Variants in RASGRF2 observed in about 807,000 individuals in gnomAD.
The protein encoded by RASGRF2 is ras-specific guanine nucleotide-releasing factor 2.
A neutral mutation model predicts 151.0 loss-of-function variants in RASGRF2; 76 were observed. That is an observed-to-expected ratio of 0.50 (90% CI 0.42 to 0.61). The LOEUF (loss-of-function observed/expected upper bound fraction) is 0.61, where lower values mean the gene tolerates loss of function less well. Among genes scored for constraint, RASGRF2 ranks in the 20% least tolerant of loss-of-function variants. The probability of loss-of-function intolerance (pLI) is 0.00; values close to 1 mark genes in which losing one functional copy is unlikely to be tolerated. For missense variants in RASGRF2, 1,148 were observed against 1,564.6 expected (o/e 0.73, Z 4.49); for synonymous variants, 504 against 566.5 (o/e 0.89, Z 1.57).
chr5:81,092,436 A>G (rs543464919), intron 9 of RASGRF2, among the ~76,000 whole-genome samples: 1 of 152,202 alleles, frequency 6.6e-6, no homozygotes, highest in East Asian at 1.9e-4. Flanking sequence ...ATTCTATATA[A>G]TTATGCAATA....
At chr5:81,143,202 G>C (rs1022506673) in intron 17 of RASGRF2, among the ~76,000 whole-genome samples, 1 of 151,958 alleles carries the variant, frequency 6.6e-6, no homozygotes, top group Non-Finnish European at 1.5e-5. Flanking sequence ...AGGCTAGAGT[G>C]CAGTGGCGCA....
chr5:81,211,538 GAACAGCA>G (rs1383525337), intron 22 of RASGRF2, among the ~76,000 whole-genome samples: 1 of 152,248 alleles, frequency 6.6e-6, no homozygotes, highest in Admixed American at 6.5e-5. Flanking sequence ...GGCACTCAGT[GAACAGCA>G]CTGCAGTAGG....
intron 18 of RASGRF2, among the ~76,000 whole-genome samples, chr5:81,184,676 T>A (rs1349198853): frequency 6.6e-6 from 1 of 152,208 alleles, no homozygotes; most frequent in African/African-American, 2.4e-5. Flanking sequence ...GGCATGTTTT[T>A]AAAACATGAG....
intron 22 of RASGRF2, among the ~76,000 whole-genome samples, chr5:81,211,888 C>A (rs968513506): frequency 7.2e-5 from 11 of 152,122 alleles, no homozygotes; most frequent in Non-Finnish European, 1.5e-5. Context: ...TTAATCAGCT[C>A]AGAATTTGAT....
chr5:81,031,279 T>C (rs1162098929), intron 1 of RASGRF2, among the ~76,000 whole-genome samples: 1 of 152,134 alleles, frequency 6.6e-6, no homozygotes, highest in Non-Finnish European at 1.5e-5. Flanking sequence ...GGAATTGAAC[T>C]CAGCTCTGCA....
At position 81,052,154 on chromosome 5, in the gene RASGRF2, G is replaced by T. The variant is rs73127152; in HGVS notation, c.395+9171G>T. On this transcript the variant is annotated intron_variant, in intron 2 of 26. Transcript: ENST00000265080. ...TTGTGCACATGGAACAGAAATGAAA[G>T]TCTCAGTGTTAGGAAAGAATCATTA... Among the ~76,000 whole-genome samples, 891 of 152,232 alleles carry T rather than the reference G, an allele frequency of 5.9e-3. 11 individuals are homozygous for T. Among genetic ancestry groups the T allele is most frequent in the African/African-American group, 0.02 (842 of 41,526 alleles).
Position 81,042,945 on chromosome 5 carries a change from G to C in RASGRF2, c.357G>C (p.Gln119His). ...KPLELRCEEE[Q>H]DGKEWMEAIH... The stretch of plus-strand genomic sequence containing the variant: ...TGGAGCTGCGCTGTGAGGAGGAGCA[G>C]GATGGTAAAGAGTGGATGGAGGCCA... Residue 119 changes from glutamine to histidine, a missense_variant, in exon 2 of 27, where the codon CAG becomes CAC. Around this residue, in one of 5 missense-constraint regions of RASGRF2, gnomAD observed 221 missense variants for 271.3 expected, o/e 0.81. Transcript: ENST00000265080. 2 of 1,612,882 alleles carry C rather than the reference G, an allele frequency of 1.2e-6. No homozygotes were observed.
Position 81,215,901 on chromosome 5 carries a change from A to T in RASGRF2, c.3380A>T (p.Gln1127Leu). 1.3e-6 allele frequency: 2 copies of T among 1,553,512 alleles called. No individual in the cohort carries two copies. The highest frequency in any genetic ancestry group is 1.7e-4 in the Middle Eastern group (1 of 5,814). The change falls in exon 24 of 27, where the codon CAA (glutamine) becomes CTA (leucine). Residue 1127 changes from glutamine to leucine, a missense_variant. By Grantham distance (113) the Gln-to-Leu change is moderately radical. Around this residue, in one of 5 missense-constraint regions of RASGRF2, gnomAD observed 100 missense variants for 148.2 expected, o/e 0.67. Transcript: ENST00000265080. ...KQTKALMDKL[Q>L]KTVSSEGRFK... ...ACAAAAGCTCTAATGGACAAACTTC[A>T]AAAGACTGTTTCCTCTGAAGGAAGA...
chr5:81,115,654 A>G (rs1214462827), intron 15 of RASGRF2, among the ~76,000 whole-genome samples: 1 of 152,146 alleles, frequency 6.6e-6, no homozygotes, highest in East Asian at 1.9e-4. Flanking sequence ...TTAGGAACAA[A>G]CATTTCAGTG....
chr5:81,020,140 A>G (rs909344921), intron 1 of RASGRF2, among the ~76,000 whole-genome samples: 2 of 152,176 alleles, frequency 1.3e-5, no homozygotes, highest in African/African-American at 2.4e-5. Flanking sequence ...TGCATTTCCT[A>G]GAGGTATTGA....
In RASGRF2 at chr5:81,212,347, G is replaced by A. The variant is rs1270540699; in HGVS notation, c.3157-19G>A. 1 of 1,571,040 alleles carries A rather than the reference G, an allele frequency of 6.4e-7. No homozygotes were observed. The highest frequency in any genetic ancestry group is 8.7e-7 in the Non-Finnish European group (1 of 1,153,278). On this transcript the variant is annotated intron_variant, in intron 22 of 26. Coordinates refer to ENST00000265080, the MANE Select transcript of RASGRF2 (RefSeq NM_006909.3). ...TTGGGGCTCTTAGACTGCCTTTCGG[G>A]GCTTTTTGATTGTCTCAGATGAGTA... is the stretch of plus-strand genomic sequence containing the variant.
At chr5:81,075,112 T>A (rs1372917749) in intron 5 of RASGRF2, among the ~76,000 whole-genome samples, 1 of 152,168 alleles carries the variant, frequency 6.6e-6, no homozygotes, top group Non-Finnish European at 1.5e-5. Context: ...GAGTGAGAGA[T>A]GAGACACCTG....
At chr5:80,969,967 C>T (rs1325380700) in intron 1 of RASGRF2, among the ~76,000 whole-genome samples, 1 of 151,838 alleles carries the variant, frequency 6.6e-6, no homozygotes, top group Middle Eastern at 3.2e-3. Flanking sequence ...GCTGGGATTA[C>T]AGGCATGCAC....
intron 1 of RASGRF2, among the ~76,000 whole-genome samples, chr5:80,971,789 C>T (rs988049738): frequency 1.3e-5 from 2 of 152,002 alleles, no homozygotes; most frequent in African/African-American, 4.8e-5. Flanking sequence ...AGGCTGGTCT[C>T]AACCGCCTGG....
chr5:81,208,911 C>T (rs1755571983), intron 22 of RASGRF2, among the ~76,000 whole-genome samples: 1 of 152,120 alleles, frequency 6.6e-6, no homozygotes, highest in South Asian at 2.1e-4. Flanking sequence ...TCTCTAAGAG[C>T]TCACAGTAAT....
Position 81,070,488 on chromosome 5 carries a change from C to A in RASGRF2, c.544-4C>A. The A allele has an allele frequency of 6.3e-7, 1 of 1,591,566 alleles. No individual in the cohort carries two copies. Among genetic ancestry groups the A allele is most frequent in the South Asian group, 1.1e-5 (1 of 90,538 alleles). The stretch of plus-strand genomic sequence containing the variant: ...TCATGAAATGGACCAACTTTGTGTT[C>A]CAGATTATTGCTCTTAATAAAACCA... On this transcript the variant is annotated splice_polypyrimidine_tract_variant and splice_region_variant and intron_variant, in intron 3 of 26. Coordinates refer to ENST00000265080, the MANE Select transcript of RASGRF2 (RefSeq NM_006909.3).
At chr5:81,156,458 A>G (rs1033767469) in intron 17 of RASGRF2, among the ~76,000 whole-genome samples, 1 of 152,240 alleles carries the variant, frequency 6.6e-6, no homozygotes, top group Non-Finnish European at 1.5e-5. Context: ...TCAATAAAAT[A>G]TTAGCAAACC....
Position 80,960,984 on chromosome 5 carries a change from C to A in RASGRF2, c.246C>A (p.Ala82=), listed in dbSNP as rs761146888. The A allele has an allele frequency of 1.4e-5, 22 of 1,545,792 alleles. 1 individual carries two copies. The South Asian group carries it at 2.6e-4, about 18-fold the overall frequency. Residue 82 remains alanine (A), a synonymous_variant, in exon 1 of 27, where the codon GCC becomes GCA. Transcript: ENST00000265080. This position sits in a 1 kb window ranked among gnomAD's most constrained non-coding sequence, Gnocchi z 5.5. ...SCERTPAPPR[A]GAGQGGVRDA... is the part of the protein sequence containing the mutation. ...AACGAACGCCCGCGCCACCCAGGGC[C>A]GGCGCCGGGCAGGGAGGCGTCCGAG...
chr5:81,028,173 C>T (rs1750102464), intron 1 of RASGRF2, among the ~76,000 whole-genome samples: 1 of 151,628 alleles, frequency 6.6e-6, no homozygotes, highest in Admixed American at 6.6e-5. Flanking sequence ...TCTAAGACAC[C>T]AGATTACCAG....
Sources: allele counts gnomAD v4.1 joint callset (sites outside exome capture counted in the v4.1 genomes callset), GRCh38; gene constraint gnomAD v4.1.1; regional missense constraint gnomAD v4.1.1; non-coding constraint Gnocchi (gnomAD v3.1); transcripts MANE v1.5; gene names NCBI Gene and HGNC (gene_info 2026-07-23, HGNC 2026-07-21).